The following CTNNBL1 variants were observed in gnomAD, a reference collection of about 807,000 sequenced individuals.
The protein encoded by CTNNBL1 is beta-catenin-like protein 1.
A neutral mutation model predicts 72.7 loss-of-function variants in CTNNBL1; 31 were observed. That is an observed-to-expected ratio of 0.43 (90% CI 0.32 to 0.58). CTNNBL1 has a LOEUF of 0.58. Among genes scored for constraint, CTNNBL1 ranks in the 20% least tolerant of loss-of-function variants. The pLI is 0.08. For missense variants in CTNNBL1, 534 were observed against 725.1 expected (o/e 0.74, Z 3.03); for synonymous variants, 240 against 267.3 (o/e 0.90, Z 1.00).
intron 8 of CTNNBL1, 91 bp from the exon 9 acceptor site, chr20:37,777,563 G>A: frequency 7.1e-7 from 1 of 1,417,144 alleles, no homozygotes. Flanking sequence ...AAGCTGTATT[G>A]ATTTTGTTTG....
chr20:37,768,061 G>T lies in CTNNBL1; in HGVS notation c.750+17G>T. On this transcript the variant is annotated intron_variant, in intron 7 of 15. Coordinates refer to ENST00000361383, the MANE Select transcript of CTNNBL1 (RefSeq NM_030877.5). The stretch of plus-strand genomic sequence containing the variant: ...AGGCTGAAGGTGAGTTTGGCTGTGG[G>T]GAACTGCAGCTCACACCTGTCTTTG... The T allele has an allele frequency of 6.2e-7, 1 of 1,602,688 alleles. No individual in the cohort carries two copies. The highest frequency in any genetic ancestry group is 8.5e-7 in the Non-Finnish European group (1 of 1,169,972).
At chr20:37,870,011 T>TAAA (rs56281604) in intron 15 of CTNNBL1, among the ~76,000 whole-genome samples, 4 of 110,272 alleles carry the variant, frequency 3.6e-5, no homozygotes, top group Non-Finnish European at 3.8e-5. Flanking sequence ...CGCCATCTCC[T>TAAA]AAAAAAAAAA....
intron 2 of CTNNBL1, among the ~76,000 whole-genome samples, chr20:37,735,342 A>C (rs2073162861): frequency 6.6e-6 from 1 of 151,952 alleles, no homozygotes; most frequent in Admixed American, 6.6e-5. Context: ...GAGTCTTTGC[A>C]CTGGTTTGGG....
chr20:37,824,396 G>C (rs994183744), intron 11 of CTNNBL1, among the ~76,000 whole-genome samples: 1 of 152,214 alleles, frequency 6.6e-6, no homozygotes, highest in East Asian at 1.9e-4. Context: ...TTCCTCACTG[G>C]ATTGTGTGGC....
intron 11 of CTNNBL1, among the ~76,000 whole-genome samples, chr20:37,836,389 C>A (rs1313351418): frequency 1.3e-5 from 2 of 152,214 alleles, no homozygotes; most frequent in African/African-American, 4.8e-5. Context: ...CACTGGCCTC[C>A]CCTCTCCCAC....
intron 10 of CTNNBL1, among the ~76,000 whole-genome samples, chr20:37,789,370 T>C (rs577342079): frequency 3.9e-5 from 6 of 152,328 alleles, no homozygotes; most frequent in African/African-American, 1.4e-4. Flanking sequence ...AGCAGAAGAA[T>C]TAACATATGA....
intron 13 of CTNNBL1, among the ~76,000 whole-genome samples, chr20:37,850,688 T>TCCCATCTCTAGTTACTTCC (rs1178409192): frequency 2.6e-5 from 4 of 152,214 alleles, no homozygotes; most frequent in African/African-American, 9.6e-5. Flanking sequence ...TTGATGCTTC[T>TCCCATCTCTAGTTACTTCC]CCCATCTCTA....
chr20:37,722,461 G>A (rs1399877787), intron 1 of CTNNBL1, among the ~76,000 whole-genome samples: 1 of 150,018 alleles, frequency 6.7e-6, no homozygotes, highest in East Asian at 1.9e-4. Context: ...AAGACAGAGT[G>A]AGGCTCCGTC....
At chr20:37,758,618 A>C (rs576808290) in intron 5 of CTNNBL1, among the ~76,000 whole-genome samples, 21 of 152,356 alleles carry the variant, frequency 1.4e-4, no homozygotes, top group Admixed American at 6.5e-4. Context: ...GCAGAAGTGC[A>C]TCTAGTCCAG....
rs554487300 is a variant in CTNNBL1 at position 37,818,445 on chromosome 20, G to A, written c.1213+15397G>A. 3.3e-5 allele frequency among the ~76,000 whole-genome samples: 5 copies of A among 152,316 alleles called. No homozygotes were observed. In the East Asian group the frequency reaches 9.6e-4, roughly 29 times the overall value. ...AGAAGAGCTTTTAGGCCAGGGAATA[G>A]CGTATACAAAGGCACAGAGAATGTG... On this transcript the variant is annotated intron_variant, in intron 11 of 15. Transcript: ENST00000361383.
chr20:37,697,915 A>T (rs529739424), intron 1 of CTNNBL1, among the ~76,000 whole-genome samples: 1 of 152,224 alleles, frequency 6.6e-6, no homozygotes, highest in African/African-American at 2.4e-5. Context: ...TTGCTTCGTG[A>T]TCATAAACAT....
At chr20:37,842,136 C>T (rs1319387645) in intron 12 of CTNNBL1, 3 of 535,666 alleles carry the variant, frequency 5.6e-6, no homozygotes, top group East Asian at 6.0e-5. Context: ...TGCATTCATC[C>T]TAAGTGTTTG....
intron 1 of CTNNBL1, among the ~76,000 whole-genome samples, chr20:37,714,428 G>A (rs931333413): frequency 6.6e-6 from 1 of 152,182 alleles, no homozygotes; most frequent in Non-Finnish European, 1.5e-5. Context: ...TCCTTGATGG[G>A]AACAGATTAA....
chr20:37,813,584 A>G (rs1568792529), intron 11 of CTNNBL1, among the ~76,000 whole-genome samples: 1 of 152,246 alleles, frequency 6.6e-6, no homozygotes. Context: ...TCATTTTGCC[A>G]GGTAGAAACT....
chr20:37,765,326 T>A, intron 6 of CTNNBL1, 36 bp downstream of exon 6: 1 of 1,354,976 alleles, frequency 7.4e-7, no homozygotes, highest in East Asian at 2.5e-5. Context: ...CCTGAGTTGC[T>A]TTGTGTTTGT....
At chr20:37,695,185 ATACT>A (rs2072780228) in intron 1 of CTNNBL1, among the ~76,000 whole-genome samples, 1 of 152,194 alleles carries the variant, frequency 6.6e-6, no homozygotes, top group Non-Finnish European at 1.5e-5. Context: ...GAAATAAAAT[ATACT>A]TAATTAATTT....
At chr20:37,745,810 C>A (rs1359123533) in intron 3 of CTNNBL1, among the ~76,000 whole-genome samples, 1 of 152,198 alleles carries the variant, frequency 6.6e-6, no homozygotes, top group African/African-American at 2.4e-5. Context: ...CGGGGGAGGG[C>A]ATGCAGCGTG....
chr20:37,700,042 A>G (rs1042433276), intron 1 of CTNNBL1, among the ~76,000 whole-genome samples: 1 of 152,174 alleles, frequency 6.6e-6, no homozygotes, highest in Non-Finnish European at 1.5e-5. Flanking sequence ...GGTACTAATT[A>G]TTTAGACCGG....
chr20:37,694,260 A>G, intron 1 of CTNNBL1, 108 bp downstream of exon 1: 2 of 991,838 alleles, frequency 2.0e-6, no homozygotes, highest in Non-Finnish European at 1.4e-6. Context: ...CGGGCCCTCT[A>G]ACTTCTCATG....
Sources: gnomAD v4.1 joint callset for allele counts (sites outside exome capture counted in the v4.1 genomes callset) on GRCh38, gnomAD v4.1.1 for gene constraint, MANE v1.5 for transcripts, NCBI Gene and HGNC (gene_info 2026-07-23, HGNC 2026-07-21) for gene names.